Variants in TAAR5 observed in about 807,000 individuals in gnomAD.
The protein encoded by TAAR5 is trace amine associated receptor 5, also known as trace amine-associated receptor 5.
Under a neutral mutation model 21.1 loss-of-function variants are expected in TAAR5, and 27 were observed. The observed-to-expected ratio is 1.28, with a 90% CI of 0.94 to 1.76. TAAR5 has a LOEUF of 1.76. TAAR5 is among the 40% of genes most tolerant of loss of function. The pLI is 0.00. For synonymous variants in TAAR5, 203 were observed against 167.5 expected, an observed-to-expected ratio of 1.21 and a Z score of -1.64; for missense variants, 495 against 405.6, an observed-to-expected ratio of 1.22 and a Z score of -1.89.
chr6:132,609,631 A>G, the TAAR5 span, among the ~76,000 whole-genome samples: 2 of 152,148 alleles, frequency 1.3e-5, no homozygotes, highest in African/African-American at 2.4e-5. Context: ...TGTTTGGGCA[A>G]CTTTCACTTT....
the TAAR5 span, among the ~76,000 whole-genome samples, chr6:132,616,545 C>T: frequency 2.6e-5 from 4 of 152,288 alleles, no homozygotes; most frequent in South Asian, 2.1e-4. Flanking sequence ...TGGAGTCTGT[C>T]GCCCCAGTTA....
At chr6:132,611,191 C>A in the TAAR5 span, among the ~76,000 whole-genome samples, 1 of 146,136 alleles carries the variant, frequency 6.8e-6, no homozygotes. Context: ...CTCATGTTCT[C>A]ACTTATTTAG....
At chr6:132,601,011 A>AGGAG in the TAAR5 span, among the ~76,000 whole-genome samples, 3 of 33,420 alleles carry the variant, frequency 9.0e-5, no homozygotes, top group Admixed American at 4.1e-4. Flanking sequence ...GAGGGAAGGA[A>AGGAG]GGAAGGGGGG....
chr6:132,606,976 G>T, the TAAR5 span, among the ~76,000 whole-genome samples: 746 of 152,256 alleles, frequency 4.9e-3, 7 homozygotes, highest in African/African-American at 0.017. Flanking sequence ...AGGGCAGATT[G>T]CTTGAGCCTA....
At chr6:132,604,507 T>C in the TAAR5 span, among the ~76,000 whole-genome samples, 1 of 151,526 alleles carries the variant, frequency 6.6e-6, no homozygotes, top group African/African-American at 2.4e-5. Flanking sequence ...ATCTTAAAAA[T>C]TAAAAAAAAA....
At chr6:132,610,769 G>T in the TAAR5 span, among the ~76,000 whole-genome samples, 13 of 152,298 alleles carry the variant, frequency 8.5e-5, no homozygotes, top group East Asian at 2.1e-3. Flanking sequence ...CCAAAGAGGA[G>T]GTAGCAAAAG....
At chr6:132,596,774 C>T in the TAAR5 span, among the ~76,000 whole-genome samples, 1 of 152,012 alleles carries the variant, frequency 6.6e-6, no homozygotes, top group African/African-American at 2.4e-5. Context: ...TTATAAAGTG[C>T]AGACTAGCAA....
chr6:132,596,357 C>T, the TAAR5 span, among the ~76,000 whole-genome samples: 4 of 151,990 alleles, frequency 2.6e-5, no homozygotes, highest in African/African-American at 7.3e-5. Context: ...TTTCCAGTGC[C>T]GGAGCTGGAT....
upstream of TAAR5, among the ~76,000 whole-genome samples, chr6:132,592,783 C>A (rs1776925417): frequency 6.6e-6 from 1 of 152,160 alleles, no homozygotes; most frequent in African/African-American, 2.4e-5. Context: ...GTACAGCCTG[C>A]AGAACCATAA....
chr6:132,609,062 T>G, the TAAR5 span: 1 of 454,668 alleles, frequency 2.2e-6, no homozygotes, highest in Non-Finnish European at 4.4e-6. Context: ...GTGGTTGCCA[T>G]GGAGAGGATC....
the TAAR5 span, chr6:132,608,474 A>G: frequency 2.2e-6 from 1 of 455,088 alleles, no homozygotes; most frequent in South Asian, 1.5e-5. Context: ...CAAGGCAACC[A>G]GCAAGCCAGA....
the TAAR5 span, among the ~76,000 whole-genome samples, chr6:132,600,947 A>T: frequency 1.5e-5 from 1 of 68,022 alleles, no homozygotes; most frequent in African/African-American, 9.7e-5. Flanking sequence ...GAAGGAGGGA[A>T]AGAAAGAAGG....
the TAAR5 span, among the ~76,000 whole-genome samples, chr6:132,607,842 C>A: frequency 2.8e-4 from 43 of 152,244 alleles, no homozygotes; most frequent in South Asian, 2.3e-3. Context: ...ACCCACAGGT[C>A]GCATGATCTT....
At chr6:132,603,452 T>G in the TAAR5 span, among the ~76,000 whole-genome samples, 1 of 151,654 alleles carries the variant, frequency 6.6e-6, no homozygotes, top group Non-Finnish European at 1.5e-5. Flanking sequence ...TATGTGCATT[T>G]GCAGGAATGT....
the TAAR5 span, among the ~76,000 whole-genome samples, chr6:132,613,519 T>C: frequency 6.6e-6 from 1 of 152,198 alleles, no homozygotes; most frequent in Non-Finnish European, 1.5e-5. Context: ...CAAATATTAA[T>C]AATTACAAAT....
At chr6:132,592,110 C>T (rs189114968), upstream of TAAR5, among the ~76,000 whole-genome samples, 13 of 152,338 alleles carry the variant, frequency 8.5e-5, no homozygotes, top group East Asian at 3.9e-4. Context: ...TCTGGATCTA[C>T]TAAGGTTTCC....
the TAAR5 span, among the ~76,000 whole-genome samples, chr6:132,611,349 A>C: frequency 6.6e-6 from 1 of 152,170 alleles, no homozygotes; most frequent in African/African-American, 2.4e-5. Flanking sequence ...AGATAGAATG[A>C]ATATGATCTA....
upstream of TAAR5, among the ~76,000 whole-genome samples, chr6:132,592,301 G>A (rs994026193): frequency 5.9e-5 from 9 of 152,194 alleles, no homozygotes; most frequent in Non-Finnish European, 7.3e-5. Flanking sequence ...ATTATAATGA[G>A]GCTGTGCTAA....
the TAAR5 span, among the ~76,000 whole-genome samples, chr6:132,604,253 C>T: frequency 6.6e-6 from 1 of 150,386 alleles, no homozygotes. Context: ...AAGCAATTCT[C>T]CTGCCTCAGC....
Sources: gnomAD v4.1 joint callset for allele counts (sites outside exome capture counted in the v4.1 genomes callset) on GRCh38, gnomAD v4.1.1 for gene constraint, MANE v1.5 for transcripts, NCBI Gene and HGNC (gene_info 2026-07-23, HGNC 2026-07-21) for gene names.